Variants in ADAMTSL3 observed in about 807,000 individuals in gnomAD.
ADAMTSL3 encodes ADAMTS like 3, also known as ADAMTS-like protein 3.
ADAMTSL3 carries 128 observed loss-of-function variants against 201.7 expected under a neutral mutation model. The ratio of observed to expected loss-of-function variants is 0.63; its 90% confidence interval spans 0.55 to 0.73. ADAMTSL3 has a LOEUF of 0.73. ADAMTSL3 is among the 30% of genes least tolerant of loss of function. The probability of loss-of-function intolerance (pLI) is 0.00; values close to 1 mark genes in which losing one functional copy is unlikely to be tolerated. For missense variants in ADAMTSL3, 1,990 were observed against 2,119.6 expected, an observed-to-expected ratio of 0.94 and a Z score of 1.20; for synonymous variants, 738 against 748.4, an observed-to-expected ratio of 0.99 and a Z score of 0.23.
At position 83,733,727 on chromosome 15, in the gene ADAMTSL3, T is replaced by C. The variant is rs1304972650; in HGVS notation, c.189+29219T>C. On this transcript the variant is annotated intron_variant, in intron 3 of 29. Coordinates refer to ENST00000286744, the MANE Select transcript of ADAMTSL3 (RefSeq NM_207517.3). ...TTAAATTTACAGGGAAATGACTTTA[T>C]TTAAAAATCTCCTCTAGTTTGTTGA... is the stretch of plus-strand genomic sequence containing the variant. Among the ~76,000 whole-genome samples, 4 of 152,216 alleles carry C rather than the reference T, an allele frequency of 2.6e-5. No individual in the cohort carries two copies. The East Asian group carries it at 5.8e-4, about 22-fold the overall frequency.
At position 83,908,031 on chromosome 15, in the gene ADAMTSL3, C is replaced by T. The variant is rs117754834; in HGVS notation, c.1701-5061C>T. Among the ~76,000 whole-genome samples the T allele has an allele frequency of 1.2e-3, 178 of 152,316 alleles. No homozygotes were observed. In the East Asian group the frequency reaches 0.024, roughly 21 times the overall value. ...TATGTTTTTCTTTCACTAATACATG[C>T]TGCCTTCTTCTCTTGTGCTGAAGAA... On this transcript the variant is annotated intron_variant, in intron 15 of 29. Coordinates refer to ENST00000286744, the MANE Select transcript of ADAMTSL3 (RefSeq NM_207517.3).
At chr15:83,692,685 C>CAAAAA (rs766382952) in intron 2 of ADAMTSL3, among the ~76,000 whole-genome samples, 8 of 43,264 alleles carry the variant, frequency 1.8e-4, no homozygotes, top group Non-Finnish European at 2.8e-4. Context: ...GACTCCATCT[C>CAAAAA]AAAAAAAAAA....
Position 84,037,912 on chromosome 15 carries a change from T to A in ADAMTSL3, c.*106T>A. ...ACATGTATTTCTTAAAAGACTAGATTCTATGGATCAAACAGAGGTTGATGC... is the reference window on the plus strand; with the variant it reads ...ACATGTATTTCTTAAAAGACTAGATACTATGGATCAAACAGAGGTTGATGC... On this transcript the variant is annotated 3_prime_UTR_variant, in exon 30 of 30. Transcript: ENST00000286744. The A allele has an allele frequency of 6.9e-7, 1 of 1,441,692 alleles. No individual in the cohort carries two copies. The highest frequency in any genetic ancestry group is 9.1e-7 in the Non-Finnish European group (1 of 1,093,386). The allele number at this position is 1,441,692 out of a possible 1,614,324, so 89.3% of individuals were successfully genotyped here.
chr15:83,726,293 T>C (rs976193810), intron 3 of ADAMTSL3, among the ~76,000 whole-genome samples: 15 of 152,102 alleles, frequency 9.9e-5, no homozygotes, highest in African/African-American at 3.6e-4. Flanking sequence ...AGTTTTTTTG[T>C]GTGTTATCTT....
At chr15:83,895,563 C>T (rs149376613) in intron 13 of ADAMTSL3, among the ~76,000 whole-genome samples, 5 of 152,252 alleles carry the variant, frequency 3.3e-5, no homozygotes, top group African/African-American at 1.2e-4. Context: ...TTTCCATCAT[C>T]GAGGACATAT....
intron 17 of ADAMTSL3, among the ~76,000 whole-genome samples, chr15:83,926,969 A>G (rs904939196): frequency 6.6e-6 from 1 of 152,056 alleles, no homozygotes; most frequent in Non-Finnish European, 1.5e-5. Flanking sequence ...ATTTGTAGCC[A>G]TGAATATCAG....
intron 3 of ADAMTSL3, among the ~76,000 whole-genome samples, chr15:83,756,091 C>T (rs1433558413): frequency 1.3e-5 from 2 of 152,226 alleles, no homozygotes; most frequent in African/African-American, 4.8e-5. Flanking sequence ...GGTATATACA[C>T]AGCAGTGGAA....
At chr15:84,024,110 GC>G (rs2068256130) in intron 26 of ADAMTSL3, among the ~76,000 whole-genome samples, 1 of 152,086 alleles carries the variant, frequency 6.6e-6, no homozygotes, top group African/African-American at 2.4e-5. Flanking sequence ...AAAAAAATCA[GC>G]CGGCCATGGT....
intron 3 of ADAMTSL3, among the ~76,000 whole-genome samples, chr15:83,756,701 A>G (rs2062726709): frequency 6.6e-6 from 1 of 151,870 alleles, no homozygotes; most frequent in African/African-American, 2.4e-5. Flanking sequence ...AAAAGTCTAC[A>G]GTCTAAAGTC....
chr15:83,763,981 G>A (rs2062853231), intron 3 of ADAMTSL3, among the ~76,000 whole-genome samples: 1 of 152,178 alleles, frequency 6.6e-6, no homozygotes, highest in African/African-American at 2.4e-5. Context: ...CTACCTCAAG[G>A]GTGGGCTTGA....
intron 3 of ADAMTSL3, among the ~76,000 whole-genome samples, chr15:83,706,500 A>G (rs2061853156): frequency 6.6e-6 from 1 of 152,194 alleles, no homozygotes; most frequent in South Asian, 2.1e-4. Context: ...CAAGCCAATA[A>G]TAGCACCCAC....
At chr15:83,995,676 T>C (rs971969851) in intron 23 of ADAMTSL3, among the ~76,000 whole-genome samples, 5 of 152,066 alleles carry the variant, frequency 3.3e-5, no homozygotes, top group Non-Finnish European at 5.9e-5. Flanking sequence ...AATATAATTA[T>C]CCCCATTTAA....
intron 3 of ADAMTSL3, among the ~76,000 whole-genome samples, chr15:83,718,227 C>T (rs1373019857): frequency 6.6e-6 from 1 of 152,188 alleles, no homozygotes; most frequent in African/African-American, 2.4e-5. Flanking sequence ...AACACCATAT[C>T]CCATTTAAAA....
At chr15:83,890,390 C>A in intron 11 of ADAMTSL3, 143 bp downstream of exon 11, 2 of 1,043,470 alleles carry the variant, frequency 1.9e-6, no homozygotes, top group Non-Finnish European at 2.7e-6. Context: ...ACATTTGTAA[C>A]TATGGTGCAT....
At chr15:83,935,170 T>C (rs1894242375) in intron 17 of ADAMTSL3, among the ~76,000 whole-genome samples, 3 of 152,212 alleles carry the variant, frequency 2.0e-5, no homozygotes, top group Non-Finnish European at 1.5e-5. Flanking sequence ...ATTGCACTTG[T>C]ACCCCTTACA....
chr15:83,821,859 G>C (rs1041494626), intron 6 of ADAMTSL3, among the ~76,000 whole-genome samples: 1 of 149,880 alleles, frequency 6.7e-6, no homozygotes, highest in African/African-American at 2.5e-5. Context: ...GGGGCGGCTG[G>C]CCGGGCTGGG....
intron 10 of ADAMTSL3, among the ~76,000 whole-genome samples, chr15:83,889,329 C>T (rs1410883252): frequency 6.6e-6 from 1 of 152,176 alleles, no homozygotes; most frequent in Non-Finnish European, 1.5e-5. Context: ...GTGCCTGTGG[C>T]ATCCCAGGGG....
At chr15:83,740,341 A>G (rs889051658) in intron 3 of ADAMTSL3, 3 of 152,260 alleles carry the variant, frequency 2.0e-5, no homozygotes, top group African/African-American at 7.2e-5. Flanking sequence ...ATAAAATTAT[A>G]CATTTACCAC....
At chr15:84,023,853 G>A (rs56372413) in intron 26 of ADAMTSL3, among the ~76,000 whole-genome samples, 1 of 152,174 alleles carries the variant, frequency 6.6e-6, no homozygotes. Context: ...GTTTGGAGAA[G>A]CCTGTGGATA....
Sources: allele counts gnomAD v4.1 joint callset (sites outside exome capture counted in the v4.1 genomes callset), GRCh38; gene constraint gnomAD v4.1.1; transcripts MANE v1.5; gene names NCBI Gene and HGNC (gene_info 2026-07-23, HGNC 2026-07-21).